The following ZSCAN25 variants were observed in gnomAD, a reference collection of about 807,000 sequenced individuals.
ZSCAN25 encodes zinc finger and SCAN domain containing 25, also known as zinc finger and SCAN domain-containing protein 25.
A neutral mutation model predicts 38.7 loss-of-function variants in ZSCAN25; 27 were observed. The ratio of observed to expected loss-of-function variants is 0.70; its 90% CI spans 0.51 to 0.96. The LOEUF is 0.96. Ranked by LOEUF, ZSCAN25 falls within the 40% of genes least tolerant of loss-of-function variation. The pLI, the probability that ZSCAN25 is intolerant of heterozygous loss-of-function variation, is 0.00. For synonymous variants in ZSCAN25, 273 were observed against 277.7 expected (o/e 0.98, Z 0.17); for missense variants, 637 against 705.9 (o/e 0.90, Z 1.11).
At chr7:99,723,334 T>C in the ZSCAN25 span, among the ~76,000 whole-genome samples, 1 of 152,218 alleles carries the variant, frequency 6.6e-6, no homozygotes, top group African/African-American at 2.4e-5. Context: ...ATTCTTCTTC[T>C]GGACAATGAG....
the ZSCAN25 span, among the ~76,000 whole-genome samples, chr7:99,657,388 C>T: frequency 4.9e-4 from 74 of 152,210 alleles, no homozygotes; most frequent in African/African-American, 1.7e-3. Context: ...TGTAGTTGAG[C>T]GGTTTTGAGT....
the ZSCAN25 span, among the ~76,000 whole-genome samples, chr7:99,732,434 A>G: frequency 1.3e-5 from 2 of 152,176 alleles, no homozygotes; most frequent in East Asian, 1.9e-4. Context: ...ACAGCCAGAC[A>G]TGCTCATTTT....
In ZSCAN25 at chr7:99,629,912, A is replaced by G. The variant is rs770048618; in HGVS notation, c.1527A>G (p.Thr509=). Reference sequence around the variant, plus strand: ...TGGTCCGACACCAGAGAATCCATACAGGGGAGAAGCCCTACCACTGTCCTG... The same window carrying G: ...TGGTCCGACACCAGAGAATCCATACGGGGGAGAAGCCCTACCACTGTCCTG... ...ERLVRHQRIH[T]GEKPYHCPAC... Residue 509 remains threonine, a synonymous_variant, in exon 8 of 8, where the codon ACA becomes ACG. Coordinates refer to ENST00000394152, the MANE Select transcript of ZSCAN25 (RefSeq NM_145115.3). This position sits in a 1 kb window ranked among gnomAD's most constrained non-coding sequence, Gnocchi z 5.6. 8 of 1,614,010 alleles carry G rather than the reference A, an allele frequency of 5.0e-6. No homozygotes were observed. Among genetic ancestry groups the G allele is most frequent in the South Asian group, 4.4e-5 (4 of 91,092 alleles).
At chr7:99,730,909 A>G in the ZSCAN25 span, 5 of 1,046,446 alleles carry the variant, frequency 4.8e-6, no homozygotes, top group Non-Finnish European at 6.8e-6. Flanking sequence ...CCCCAGGGTA[A>G]ACTTTGCCAC....
the ZSCAN25 span, chr7:99,659,080 C>G: frequency 6.6e-6 from 1 of 152,250 alleles, no homozygotes; most frequent in Non-Finnish European, 1.5e-5. Context: ...CTTCTCTCAA[C>G]TCGTCAAAGT....
the ZSCAN25 span, among the ~76,000 whole-genome samples, chr7:99,731,752 TCA>T: frequency 6.6e-6 from 1 of 152,052 alleles, no homozygotes; most frequent in East Asian, 1.9e-4. Flanking sequence ...CTTGGAGGAG[TCA>T]CAGAGTCCTT....
At chr7:99,727,827 T>C in the ZSCAN25 span, among the ~76,000 whole-genome samples, 1 of 152,188 alleles carries the variant, frequency 6.6e-6, no homozygotes, top group African/African-American at 2.4e-5. Flanking sequence ...ATGCTGTCCA[T>C]ATCCTGCACC....
chr7:99,620,442 T>A, intron 4 of ZSCAN25: 1 of 164,516 alleles, frequency 6.1e-6, no homozygotes, highest in South Asian at 1.6e-4. Flanking sequence ...TCTCTGGTGC[T>A]GCTCTAATGA....
the ZSCAN25 span, chr7:99,708,019 C>T: frequency 5.6e-6 from 9 of 1,612,952 alleles, no homozygotes; most frequent in Non-Finnish European, 7.6e-6. Context: ...AGACATAATA[C>T]CTCTAAGAGT....
At chr7:99,644,130 C>T in the ZSCAN25 span, among the ~76,000 whole-genome samples, 4 of 152,092 alleles carry the variant, frequency 2.6e-5, no homozygotes, top group African/African-American at 7.2e-5. Context: ...TCATTGTCAC[C>T]GTCACCATCA....
the ZSCAN25 span, among the ~76,000 whole-genome samples, chr7:99,696,425 G>A: frequency 6.6e-6 from 1 of 152,128 alleles, no homozygotes; most frequent in Non-Finnish European, 1.5e-5. Flanking sequence ...GTCATTCATA[G>A]AGGGGTGTCA....
the ZSCAN25 span, chr7:99,722,148 T>A: frequency 1.0e-6 from 1 of 966,486 alleles, no homozygotes. Flanking sequence ...CAAATACATA[T>A]CTTCTTCTTT....
chr7:99,691,722 C>CT, the ZSCAN25 span, among the ~76,000 whole-genome samples: 7 of 151,884 alleles, frequency 4.6e-5, no homozygotes, highest in East Asian at 1.9e-4. Context: ...GCAACCCCTG[C>CT]TTTTTTTTGC....
At chr7:99,715,851 T>C in the ZSCAN25 span, 2 of 1,613,820 alleles carry the variant, frequency 1.2e-6, no homozygotes, top group African/African-American at 2.7e-5. Flanking sequence ...AGAGAGTCGA[T>C]GCTCACTCCA....
At chr7:99,674,754 G>T in the ZSCAN25 span, among the ~76,000 whole-genome samples, 1 of 152,194 alleles carries the variant, frequency 6.6e-6, no homozygotes, top group Non-Finnish European at 1.5e-5. Flanking sequence ...AGAAAACAGA[G>T]AATATATTTG....
the ZSCAN25 span, among the ~76,000 whole-genome samples, chr7:99,719,738 C>T: frequency 6.6e-6 from 1 of 152,288 alleles, no homozygotes; most frequent in African/African-American, 2.4e-5. Context: ...CTTGATCATG[C>T]TGGTCATTGC....
At chr7:99,705,467 T>C in the ZSCAN25 span, 4 of 1,609,924 alleles carry the variant, frequency 2.5e-6, no homozygotes, top group Non-Finnish European at 2.5e-6. Flanking sequence ...GGCACAGCTT[T>C]CTTAAAGAGC....
At chr7:99,719,051 A>C in the ZSCAN25 span, among the ~76,000 whole-genome samples, 1 of 152,256 alleles carries the variant, frequency 6.6e-6, no homozygotes, top group Non-Finnish European at 1.5e-5. Context: ...TGAAAGACCA[A>C]ACATAGTGAA....
the ZSCAN25 span, chr7:99,638,389 G>A: frequency 6.3e-7 from 1 of 1,595,458 alleles, no homozygotes. Context: ...ATGGCATCGG[G>A]CAGGTCCTGC....
Sources: allele counts gnomAD v4.1 joint callset (sites outside exome capture counted in the v4.1 genomes callset), GRCh38; gene constraint gnomAD v4.1.1; non-coding constraint Gnocchi (gnomAD v3.1); transcripts MANE v1.5; gene names NCBI Gene and HGNC (gene_info 2026-07-23, HGNC 2026-07-21).